The following RBFOX3 variants were observed in gnomAD, a reference collection of about 807,000 sequenced individuals.
The protein encoded by RBFOX3 is RNA binding fox-1 homolog 3, also known as RNA binding protein fox-1 homolog 3.
A neutral mutation model predicts 48.7 loss-of-function variants in RBFOX3; 17 were observed. The observed-to-expected ratio is 0.35, with a 90% CI of 0.24 to 0.52. The LOEUF (loss-of-function observed/expected upper bound fraction) is 0.52, where lower values mean the gene tolerates loss of function less well. Ranked by LOEUF, RBFOX3 falls within the 20% of genes least tolerant of loss-of-function variation. RBFOX3 has a pLI of 0.94. For synonymous variants in RBFOX3, 212 were observed against 209.5 expected (o/e 1.01, Z -0.10); for missense variants, 382 against 497.5 (o/e 0.77, Z 2.21).
intron 2 of RBFOX3, among the ~76,000 whole-genome samples, chr17:79,424,750 C>G (rs917225147): frequency 1.3e-5 from 2 of 152,204 alleles, no homozygotes; most frequent in South Asian, 2.1e-4. Context: ...CAGCTGCCAC[C>G]TCATGTCCTT....
At chr17:79,102,978 C>G (rs373274485) in intron 8 of RBFOX3, among the ~76,000 whole-genome samples, 184 bp downstream of exon 8, 1 of 151,422 alleles carries the variant, frequency 6.6e-6, no homozygotes, top group South Asian at 2.1e-4. Flanking sequence ...GAAGGGGTGA[C>G]AGGTGATAGG....
chr17:79,225,248 C>T (rs1302428638), intron 4 of RBFOX3, among the ~76,000 whole-genome samples: 2 of 151,598 alleles, frequency 1.3e-5, no homozygotes, highest in Non-Finnish European at 2.9e-5. Flanking sequence ...GCATCTCTCG[C>T]TGGCCAGTCC....
intron 2 of RBFOX3, among the ~76,000 whole-genome samples, chr17:79,453,408 CTGGCCCTGAG>C (rs2073914928): frequency 6.6e-6 from 1 of 152,142 alleles, no homozygotes; most frequent in Non-Finnish European, 1.5e-5. Flanking sequence ...GATGGGGAGG[CTGGCCCTGAG>C]TGGCCAGCTC....
chr17:79,573,101 C>T (rs1046347245), intron 1 of RBFOX3, among the ~76,000 whole-genome samples: 12 of 152,252 alleles, frequency 7.9e-5, no homozygotes, highest in African/African-American at 2.9e-4. Flanking sequence ...ACCTTTCCTG[C>T]TTATGCCTCA....
At chr17:79,494,054 T>C (rs1340261717) in intron 1 of RBFOX3, among the ~76,000 whole-genome samples, 4 of 152,210 alleles carry the variant, frequency 2.6e-5, no homozygotes, top group Non-Finnish European at 4.4e-5. Flanking sequence ...GAGGATCACT[T>C]GAGCTGAGGA....
In RBFOX3 at chr17:79,243,309, C is replaced by T. The variant is rs184994568; in HGVS notation, c.-73-7504G>A. Reference sequence around the variant, plus strand: ...TCAGAGTGAGCAGGGGGCAAACCAACGTGGCCCCAGGAGAAAACCCACTGT... The same window carrying T: ...TCAGAGTGAGCAGGGGGCAAACCAATGTGGCCCCAGGAGAAAACCCACTGT... On this transcript the variant is annotated intron_variant, in intron 3 of 14. Transcript: ENST00000693108. This position sits in a 1 kb window ranked among gnomAD's most constrained non-coding sequence, Gnocchi z 7.9. Among the ~76,000 whole-genome samples, 84 of 152,268 alleles carry T rather than the reference C, an allele frequency of 5.5e-4. No homozygotes were observed. The highest frequency in any genetic ancestry group is 1.3e-3 in the African/African-American group (54 of 41,548).
intron 3 of RBFOX3, among the ~76,000 whole-genome samples, chr17:79,244,264 A>C (rs1243065513): frequency 1.3e-5 from 2 of 152,092 alleles, no homozygotes; most frequent in African/African-American, 2.4e-5. Flanking sequence ...CGGAGATTGG[A>C]GTGATGTAGC....
At chr17:79,191,874 G>A (rs1001533524) in intron 4 of RBFOX3, among the ~76,000 whole-genome samples, 3 of 152,194 alleles carry the variant, frequency 2.0e-5, no homozygotes, top group Non-Finnish European at 4.4e-5. Context: ...ACCCTGGGCA[G>A]CCTCTTCCCT....
intron 4 of RBFOX3, among the ~76,000 whole-genome samples, chr17:79,229,420 G>A (rs1298057023): frequency 1.3e-5 from 2 of 151,688 alleles, no homozygotes; most frequent in Admixed American, 6.6e-5. Flanking sequence ...TTAGCCAAGT[G>A]TGGTGGTGCA....
intron 1 of RBFOX3, among the ~76,000 whole-genome samples, chr17:79,582,164 G>A (rs1441415939): frequency 1.3e-5 from 2 of 151,686 alleles, no homozygotes; most frequent in East Asian, 1.9e-4. Context: ...GTATGTGCCT[G>A]TGCGTGCCTG....
chr17:79,656,513 CTGAGACAGGAGAATCGGT>C, the RBFOX3 span, among the ~76,000 whole-genome samples: 13 of 151,808 alleles, frequency 8.6e-5, no homozygotes, highest in Non-Finnish European at 1.2e-4. Context: ...ATTCGGGAGG[CTGAGACAGGAGAATCGGT>C]TGAACGTGGG....
chr17:79,506,030 C>G (rs2083064576), intron 1 of RBFOX3, among the ~76,000 whole-genome samples: 1 of 152,208 alleles, frequency 6.6e-6, no homozygotes, highest in African/African-American at 2.4e-5. Context: ...CCATATGCAC[C>G]AAACACATAG....
intron 1 of RBFOX3, among the ~76,000 whole-genome samples, chr17:79,595,408 A>G (rs1248447634): frequency 2.0e-5 from 3 of 152,178 alleles, no homozygotes; most frequent in Non-Finnish European, 4.4e-5. Context: ...AGAATACCAG[A>G]TGAAGACGAG....
intron 2 of RBFOX3, among the ~76,000 whole-genome samples, chr17:79,323,680 T>C (rs1258722649): frequency 6.6e-6 from 1 of 152,174 alleles, no homozygotes; most frequent in East Asian, 1.9e-4. Context: ...CCAGGATTAC[T>C]GAAGAAGTAA....
chr17:79,462,248 C>T (rs148164799), intron 2 of RBFOX3, among the ~76,000 whole-genome samples: 96 of 152,314 alleles, frequency 6.3e-4, no homozygotes, highest in African/African-American at 2.3e-3. Context: ...AACGATGTAA[C>T]GATAAGATGC....
chr17:79,365,684 G>A (rs2057639464), intron 2 of RBFOX3, among the ~76,000 whole-genome samples: 1 of 152,178 alleles, frequency 6.6e-6, no homozygotes, highest in Non-Finnish European at 1.5e-5. Flanking sequence ...AAACCTGAAG[G>A]AATATATCTT....
intron 3 of RBFOX3, among the ~76,000 whole-genome samples, chr17:79,263,511 C>A (rs138656170): frequency 3.3e-5 from 5 of 152,176 alleles, no homozygotes; most frequent in Non-Finnish European, 7.4e-5. Flanking sequence ...CCGTGCTGCT[C>A]GTGGCAGAAG....
intron 2 of RBFOX3, among the ~76,000 whole-genome samples, chr17:79,446,339 T>G (rs1464585654): frequency 6.6e-6 from 1 of 152,162 alleles, no homozygotes; most frequent in Non-Finnish European, 1.5e-5. Flanking sequence ...CAGGCAGCAA[T>G]GCGGCAGACC....
At chr17:79,377,388 GAC>G (rs1006446025) in intron 2 of RBFOX3, among the ~76,000 whole-genome samples, 11 of 143,390 alleles carry the variant, frequency 7.7e-5, no homozygotes, top group African/African-American at 2.2e-4. Flanking sequence ...TCCATGTGGA[GAC>G]ACACACACTC....
Sources: allele counts gnomAD v4.1 joint callset (sites outside exome capture counted in the v4.1 genomes callset), GRCh38; gene constraint gnomAD v4.1.1; non-coding constraint Gnocchi (gnomAD v3.1); transcripts MANE v1.5; gene names NCBI Gene and HGNC (gene_info 2026-07-23, HGNC 2026-07-21).